Variants in DIS3L2 observed in about 807,000 individuals in gnomAD.
DIS3L2 encodes the protein DIS3 like 3'-5' exoribonuclease 2.
Under a neutral mutation model 97.5 loss-of-function variants are expected in DIS3L2, and 34 were observed. The ratio of observed to expected loss-of-function variants is 0.35; its 90% CI spans 0.27 to 0.46. DIS3L2 has a LOEUF of 0.46. Ranked by LOEUF, DIS3L2 falls within the 20% of genes least tolerant of loss-of-function variation. The pLI is 1.00. For missense variants in DIS3L2, 1,038 were observed against 1,146.0 expected (o/e 0.91, Z 1.36); for synonymous variants, 435 against 445.2 (o/e 0.98, Z 0.29).
intron 6 of DIS3L2, among the ~76,000 whole-genome samples, chr2:232,113,421 T>C (rs1038702589): frequency 6.6e-6 from 1 of 152,216 alleles, no homozygotes; most frequent in South Asian, 2.1e-4. Flanking sequence ...ACCTTTGCCA[T>C]GCAAGTCTTG....
Position 232,226,400 on chromosome 2 carries a change from T to G in DIS3L2, c.1205-12133T>G, listed in dbSNP as rs561316050. Among the ~76,000 whole-genome samples, 36 of 152,370 alleles carry G rather than the reference T, an allele frequency of 2.4e-4. No individual in the cohort carries two copies. The South Asian group carries it at 7.2e-3, about 31-fold the overall frequency. On this transcript the variant is annotated intron_variant, in intron 10 of 20. Coordinates refer to ENST00000325385, the MANE Select transcript of DIS3L2 (RefSeq NM_152383.5). ...GACATTGGGCAAATCATTTAACCTC[T>G]CTGAGTCTGAATGTCTTCATCTGTA...
Position 232,335,837 on chromosome 2 carries a change from G to C in DIS3L2, c.2459G>C (p.Trp820Ser), listed in dbSNP as rs1426201709. The C allele has an allele frequency of 6.4e-7, 1 of 1,550,926 alleles. No homozygotes were observed. The highest frequency in any genetic ancestry group is 2.0e-5 in the Admixed American group (1 of 51,026). The change falls in exon 20 of 21, where the codon TGG becomes TCG. Residue 820 changes from tryptophan (W) to serine (S), a missense_variant. By Grantham distance (177) the Trp-to-Ser change is radical. Coordinates refer to ENST00000325385, the MANE Select transcript of DIS3L2 (RefSeq NM_152383.5). ...VGKKPELTLV[W>S]EPEDMEQEPA... ...AAGAAGCCGGAACTCACGCTGGTCT[G>C]GGAGCCTGAGGACATGGAGCAGGAG...
At chr2:232,262,790 C>A (rs1304895650) in intron 12 of DIS3L2, among the ~76,000 whole-genome samples, 1 of 152,172 alleles carries the variant, frequency 6.6e-6, no homozygotes, top group African/African-American at 2.4e-5. Flanking sequence ...CCCCACCTCC[C>A]CCTTCTCCCT....
intron 13 of DIS3L2, among the ~76,000 whole-genome samples, chr2:232,342,774 T>A (rs1696140366): frequency 6.6e-6 from 1 of 152,218 alleles, no homozygotes; most frequent in South Asian, 2.1e-4. Flanking sequence ...TAGGCTCATG[T>A]GTGAGCCCAG....
intron 15 of DIS3L2, among the ~76,000 whole-genome samples, chr2:232,330,468 G>A (rs2106348793): frequency 6.6e-6 from 1 of 152,326 alleles, no homozygotes; most frequent in Non-Finnish European, 1.5e-5. Flanking sequence ...CAGAGAGCTG[G>A]AGCCCAGTGA....
intron 5 of DIS3L2, among the ~76,000 whole-genome samples, chr2:232,082,390 G>A (rs1004220604): frequency 6.6e-6 from 1 of 152,216 alleles, no homozygotes; most frequent in Non-Finnish European, 1.5e-5. Flanking sequence ...AGCAGGAGGT[G>A]AGCAGTGGGC....
chr2:232,094,144 T>C (rs942171571), intron 6 of DIS3L2, among the ~76,000 whole-genome samples: 10 of 152,188 alleles, frequency 6.6e-5, no homozygotes, highest in African/African-American at 1.9e-4. Context: ...CCTCTTGTTA[T>C]TGATTTCTAG....
At chr2:232,172,712 C>A in intron 9 of DIS3L2, 1 of 534,388 alleles carries the variant, frequency 1.9e-6, no homozygotes, top group East Asian at 5.4e-5. Context: ...AACTGTTTTT[C>A]AAAGTAGCTG....
At chr2:232,300,977 A>G (rs1694840114) in intron 14 of DIS3L2, among the ~76,000 whole-genome samples, 1 of 150,962 alleles carries the variant, frequency 6.6e-6, no homozygotes, top group Non-Finnish European at 1.5e-5. Flanking sequence ...TTGACTGTGT[A>G]TTTTCGTTTG....
At chr2:232,085,279 C>G (rs1200181112) in intron 5 of DIS3L2, among the ~76,000 whole-genome samples, 2 of 152,178 alleles carry the variant, frequency 1.3e-5, no homozygotes, top group African/African-American at 4.8e-5. Context: ...GCGCTTCTCA[C>G]TAGTCGACTT....
chr2:232,255,146 G>A (rs1693525706), intron 12 of DIS3L2, among the ~76,000 whole-genome samples: 1 of 152,246 alleles, frequency 6.6e-6, no homozygotes, highest in Non-Finnish European at 1.5e-5. Context: ...TTCGGAACCA[G>A]ATGGGAGGGT....
At chr2:232,117,449 A>T (rs1052669813) in intron 6 of DIS3L2, among the ~76,000 whole-genome samples, 2 of 152,228 alleles carry the variant, frequency 1.3e-5, no homozygotes, top group Admixed American at 1.3e-4. Context: ...TGGAAGGGAA[A>T]GCACCTTAAA....
downstream of DIS3L2, among the ~76,000 whole-genome samples, chr2:232,338,167 C>T (rs1390931873): frequency 6.6e-6 from 1 of 152,110 alleles, no homozygotes; most frequent in Non-Finnish European, 1.5e-5. Flanking sequence ...GACCAGGGCC[C>T]TTCCCCTCCC....
rs143552440 is a variant in DIS3L2 at position 232,256,633 on chromosome 2, C to T, written c.1426-6574C>T. ...TCTTTCCTTTAAGACCCATCATTCT[C>T]CCAAGTACCTTTCATTCCTCCTTCT... is the stretch of plus-strand genomic sequence containing the variant. On this transcript the variant is annotated intron_variant, in intron 12 of 20. Transcript: ENST00000325385. 2.5e-4 allele frequency among the ~76,000 whole-genome samples: 38 copies of T among 152,300 alleles called. 1 individual carries two copies. Among genetic ancestry groups the T allele is most frequent in the African/African-American group, 8.9e-4 (37 of 41,558 alleles).
At chr2:232,279,305 G>A (rs1694222102) in intron 13 of DIS3L2, among the ~76,000 whole-genome samples, 1 of 152,146 alleles carries the variant, frequency 6.6e-6, no homozygotes, top group Non-Finnish European at 1.5e-5. Context: ...TTGTTTTTTA[G>A]GTGTGGTGAT....
At chr2:232,079,048 A>G (rs1221966186) in intron 5 of DIS3L2, among the ~76,000 whole-genome samples, 1 of 152,220 alleles carries the variant, frequency 6.6e-6, no homozygotes, top group African/African-American at 2.4e-5. Context: ...ACTGTGTGCC[A>G]GGCCTAGCCA....
intron 8 of DIS3L2, among the ~76,000 whole-genome samples, chr2:232,139,990 G>A (rs970222876): frequency 5.3e-5 from 8 of 152,170 alleles, no homozygotes; most frequent in Admixed American, 2.0e-4. Context: ...TCTGACTAGG[G>A]GGAGTGGGTG....
chr2:232,126,348 A>G (rs369082425), intron 6 of DIS3L2, among the ~76,000 whole-genome samples: 1 of 152,254 alleles, frequency 6.6e-6, no homozygotes, highest in Non-Finnish European at 1.5e-5. Flanking sequence ...TTAAACAAGA[A>G]AGAAGTTAAT....
chr2:232,306,586 A>G (rs939423524), intron 14 of DIS3L2, among the ~76,000 whole-genome samples: 2 of 152,236 alleles, frequency 1.3e-5, no homozygotes, highest in Non-Finnish European at 2.9e-5. Context: ...AAGGAGGTCC[A>G]CATCAGTTCA....
Sources: gnomAD v4.1 joint callset for allele counts (sites outside exome capture counted in the v4.1 genomes callset) on GRCh38, gnomAD v4.1.1 for gene constraint, MANE v1.5 for transcripts, NCBI Gene and HGNC (gene_info 2026-07-23, HGNC 2026-07-21) for gene names.